The following PHYKPL variants were observed in gnomAD, a reference collection of about 807,000 sequenced individuals.
The protein encoded by PHYKPL is 5-phosphonooxy-L-lysine phospho-lyase.
In PHYKPL, 42 loss-of-function variants were observed where a neutral mutation model predicts 51.3. That is an observed-to-expected ratio of 0.82 (90% confidence interval 0.64 to 1.06). The LOEUF (loss-of-function observed/expected upper bound fraction) is 1.06, where lower values mean the gene tolerates loss of function less well. Among genes scored for constraint, PHYKPL ranks in the 50% least tolerant of loss-of-function variants. The pLI is 0.00. For synonymous variants in PHYKPL, 264 were observed against 236.0 expected, an observed-to-expected ratio of 1.12 and a Z score of -1.09; for missense variants, 655 against 586.6, an observed-to-expected ratio of 1.12 and a Z score of -1.20.
At chr5:178,218,892 A>T (rs1251971354) in intron 8 of PHYKPL, among the ~76,000 whole-genome samples, 1 of 152,206 alleles carries the variant, frequency 6.6e-6, no homozygotes, top group Admixed American at 6.5e-5. Flanking sequence ...CCAGTTACCA[A>T]AACCCAAGGT....
At chr5:178,212,805 G>A (rs1484836629) in intron 11 of PHYKPL, among the ~76,000 whole-genome samples, 168 bp downstream of exon 11, 1 of 152,226 alleles carries the variant, frequency 6.6e-6, no homozygotes, top group Non-Finnish European at 1.5e-5. Flanking sequence ...GGCAGGAATA[G>A]GAGCAGATTG....
chr5:178,213,242 C>T, intron 10 of PHYKPL, 139 bp from the exon 11 acceptor site: 1 of 1,189,730 alleles, frequency 8.4e-7, no homozygotes, highest in South Asian at 1.5e-5. Context: ...TACTGGTCAC[C>T]TCTCCCAGAG....
chr5:178,211,582 G>A (rs1443896773), intron 12 of PHYKPL: 1 of 292,800 alleles, frequency 3.4e-6, no homozygotes, highest in Non-Finnish European at 6.4e-6. Context: ...TTATTGGCTG[G>A]ATTGGAGCCC....
At chr5:178,210,054 A>G in intron 12 of PHYKPL, 1 of 1,573,144 alleles carries the variant, frequency 6.4e-7, no homozygotes, top group East Asian at 2.3e-5. Context: ...TGCCACCCCA[A>G]AGGGCAGGAT....
intron 8 of PHYKPL, among the ~76,000 whole-genome samples, chr5:178,221,737 T>C (rs1332732244): frequency 6.6e-6 from 1 of 152,154 alleles, no homozygotes; most frequent in Non-Finnish European, 1.5e-5. Context: ...CCTCCAGTTC[T>C]TTCTCCACAC....
At position 178,232,586 on chromosome 5, in the gene PHYKPL, C is replaced by A; in HGVS notation, c.-36G>T. 8.0e-7 allele frequency: 1 copy of A among 1,249,156 alleles called. No homozygotes were observed. Among genetic ancestry groups the A allele is most frequent in the Non-Finnish European group, 1.0e-6 (1 of 998,216 alleles). 77.4% of individuals were successfully genotyped at this position (1,249,156 alleles called of 1,614,324 possible). A position where few individuals can be genotyped will look rare whatever the true frequency, so the allele number is the denominator to read the frequency against. ...CGTCAGTCGGTGCCGTGACGCCACGCGGAGACGTCGCCGCGCGGGCTGGGC... is the reference window on the plus strand; with the variant it reads ...CGTCAGTCGGTGCCGTGACGCCACGAGGAGACGTCGCCGCGCGGGCTGGGC... On this transcript the variant is annotated 5_prime_UTR_variant, in exon 1 of 13. Coordinates refer to ENST00000308158, the MANE Select transcript of PHYKPL (RefSeq NM_153373.4).
intron 8 of PHYKPL, among the ~76,000 whole-genome samples, chr5:178,220,124 A>G (rs1168572274): frequency 6.6e-6 from 1 of 151,008 alleles, no homozygotes; most frequent in Non-Finnish European, 1.5e-5. Flanking sequence ...GAGCTCTGGA[A>G]GTAAAGGCTG....
Position 178,222,518 on chromosome 5 carries a change from A to G in PHYKPL, c.764T>C (p.Val255Ala). 2 of 1,614,224 alleles carry G rather than the reference A, an allele frequency of 1.2e-6. No homozygotes were observed. Among genetic ancestry groups the G allele is most frequent in the South Asian group, 1.1e-5 (1 of 91,086 alleles). Reference sequence around the variant, plus strand: ...CTGGAAGGCCCAGAAGTGCTTGCCTACCCGGCCAAAGCCAACCTGGATCTC... The same window carrying G: ...CTGGAAGGCCCAGAAGTGCTTGCCTGCCCGGCCAAAGCCAACCTGGATCTC... ...ADEIQVGFGR[V>A]GKHFWAFQLQ... The change falls in exon 8 of 13, where the codon GTA (valine) becomes GCA (alanine). Residue 255 changes from valine to alanine, a missense_variant. By Grantham distance (64) the Val-to-Ala change is moderately conservative. Coordinates refer to ENST00000308158, the MANE Select transcript of PHYKPL (RefSeq NM_153373.4).
chr5:178,231,858 G>T, intron 1 of PHYKPL: 2 of 1,337,298 alleles, frequency 1.5e-6, no homozygotes, highest in Middle Eastern at 2.2e-4. Context: ...ACTCCATAAG[G>T]CCGCGTGTCT....
chr5:178,215,691 CAG>C, intron 8 of PHYKPL: 1 of 472,236 alleles, frequency 2.1e-6, no homozygotes, highest in Non-Finnish European at 3.7e-6. Flanking sequence ...GATACAGAAT[CAG>C]AGGAGAGGGT....
intron 3 of PHYKPL, 199 bp downstream of exon 3, chr5:178,229,741 T>C (rs1763003116): frequency 1.8e-6 from 1 of 561,908 alleles, no homozygotes; most frequent in Non-Finnish European, 3.0e-6. Context: ...GGTAATAACA[T>C]CCTTCAATAA....
intron 3 of PHYKPL, 63 bp downstream of exon 3, chr5:178,229,877 T>C: frequency 2.5e-6 from 4 of 1,583,488 alleles, no homozygotes; most frequent in African/African-American, 1.3e-5. Context: ...ACTGGGCCCA[T>C]GTGAGTGACT....
At chr5:178,222,232 G>C in intron 8 of PHYKPL, 123 bp downstream of exon 8, 1 of 810,354 alleles carries the variant, frequency 1.2e-6, no homozygotes, top group Non-Finnish European at 1.9e-6. Context: ...CTTAAGGACA[G>C]CGTCTTGGAA....
upstream of PHYKPL, chr5:178,232,822 C>G: frequency 3.4e-6 from 1 of 293,316 alleles, no homozygotes; most frequent in Non-Finnish European, 6.2e-6. Context: ...GGACGCGCCC[C>G]GGGCCTCGCC....
intron 12 of PHYKPL, chr5:178,210,744 TTAA>T (rs1561674375): frequency 1.3e-6 from 1 of 762,124 alleles, no homozygotes; most frequent in Admixed American, 2.1e-5. Context: ...TGCATCTTAT[TTAA>T]AATTTCCCCC....
chr5:178,224,699 A>G lies in PHYKPL; in HGVS notation c.444T>C (p.Ile148=). Residue 148 remains isoleucine (I), a synonymous_variant, in exon 5 of 13, where the codon ATT becomes ATC. Coordinates refer to ENST00000308158, the MANE Select transcript of PHYKPL (RefSeq NM_153373.4). ...TGCGGAACTTGTAGGGACTGATGTC[A>G]ATCAGGGAGCTCAGGTGGCCGTGAT... The part of the protein sequence containing the change: ...HAYHGHLSSL[I]DISPYKFRNL... The G allele has an allele frequency of 6.2e-7, 1 of 1,614,114 alleles. No individual in the cohort carries two copies. The highest frequency in any genetic ancestry group is 1.1e-5 in the South Asian group (1 of 91,080).
At chr5:178,210,504 A>T in intron 12 of PHYKPL, 2 of 1,577,326 alleles carry the variant, frequency 1.3e-6, no homozygotes, top group Admixed American at 1.7e-5. Context: ...CGCGTGGCAC[A>T]GGGCAAATGC....
At position 178,215,260 on chromosome 5, in the gene PHYKPL, G is replaced by GC; in HGVS notation, c.1082+15dup. 1 of 1,613,848 alleles carries GC rather than the reference G, an allele frequency of 6.2e-7. No individual in the cohort carries two copies. Among genetic ancestry groups the GC allele is most frequent in the Non-Finnish European group, 8.5e-7 (1 of 1,179,908 alleles). On this transcript the variant is annotated intron_variant, in intron 9 of 12. Transcript: ENST00000308158. ...CCTTGGCAGGTGGGTGGTGACTGCT[G>GC]CCCCCAGAGCCTCACCTGACATCCC...
chr5:178,210,935 T>C (rs1267460878), intron 12 of PHYKPL: 1 of 385,970 alleles, frequency 2.6e-6, no homozygotes, highest in Admixed American at 4.2e-5. Context: ...ACCCTGGTTG[T>C]AAAGAGTAAA....
Sources: allele counts gnomAD v4.1 joint callset (sites outside exome capture counted in the v4.1 genomes callset), GRCh38; gene constraint gnomAD v4.1.1; transcripts MANE v1.5; gene names NCBI Gene and HGNC (gene_info 2026-07-23, HGNC 2026-07-21).